Variants in VEGFD observed in about 807,000 individuals in gnomAD.
VEGFD encodes c-fos induced growth factor (vascular endothelial growth factor D).
In VEGFD, 26 loss-of-function variants were observed where a neutral mutation model predicts 28.0. The observed-to-expected ratio is 0.93, with a 90% CI of 0.68 to 1.29. The LOEUF is 1.29. Among genes scored for constraint, VEGFD ranks in the 50% most tolerant of loss-of-function variants. VEGFD has a pLI of 0.00. For missense variants in VEGFD, 294 were observed against 273.4 expected, an observed-to-expected ratio of 1.08 and a Z score of -0.53; for synonymous variants, 93 against 95.5, an observed-to-expected ratio of 0.97 and a Z score of 0.15.
Position 15,367,986 on chromosome X carries a change from AAAAGAAAGAAAG to A in VEGFD, c.91-4679_91-4668del, listed in dbSNP as rs199761765. Among the ~76,000 whole-genome samples, 95 of 66,633 alleles carry A rather than the reference AAAAGAAAGAAAG, an allele frequency of 1.4e-3. No homozygotes were observed. The East Asian group carries it at 0.016, about 11-fold the overall frequency. 57.9% of individuals were successfully genotyped at this position (66,633 alleles called of 115,157 possible). On this transcript the variant is annotated intron_variant, in intron 1 of 6. Transcript: ENST00000297904. Reference sequence around the variant, plus strand: ...AGAAAGAAAGAAAGAAAGAAAAAGAAAAAGAAAGAAAGAAAGAAAGAAAGAAAGAAAGAAAGA... The same window carrying A: ...AGAAAGAAAGAAAGAAAGAAAAAGAAAAAGAAAGAAAGAAAGAAAGAAAGA...
At chrX:15,360,720 CAATT>C (rs1371568674) in intron 2 of VEGFD, among the ~76,000 whole-genome samples, 2 of 112,114 alleles carry the variant, frequency 1.8e-5, no homozygotes, top group African/African-American at 3.2e-5. Flanking sequence ...ATAAATTACT[CAATT>C]AAGTATTATT....
intron 1 of VEGFD, among the ~76,000 whole-genome samples, chrX:15,369,521 A>G (rs1024815967): frequency 8.9e-6 from 1 of 111,769 alleles, no homozygotes; most frequent in African/African-American, 3.3e-5. Flanking sequence ...TGTAATGGAT[A>G]TGGAGCAACA....
chrX:15,354,940 A>T (rs1922825887), intron 4 of VEGFD, among the ~76,000 whole-genome samples: 1 of 111,739 alleles, frequency 8.9e-6, no homozygotes, highest in South Asian at 3.7e-4. Flanking sequence ...CATACCACTG[A>T]GCGTTTTGGT....
intron 1 of VEGFD, among the ~76,000 whole-genome samples, chrX:15,367,986 A>AAGAAAGAAAGAAAGAAAG (rs1236594721): frequency 9.9e-4 from 66 of 66,629 alleles, no homozygotes; most frequent in African/African-American, 3.5e-3. Context: ...AAGAAAAAGA[A>AAGAAAGAAAGAAAGAAAG]AAAGAAAGAA....
intron 3 of VEGFD, among the ~76,000 whole-genome samples, chrX:15,356,999 A>G (rs1268655182): frequency 8.9e-6 from 1 of 112,235 alleles, no homozygotes; most frequent in East Asian, 2.8e-4. Flanking sequence ...AGAATAAACC[A>G]TATAGGCAAA....
At chrX:15,362,020 C>T (rs750083989) in intron 2 of VEGFD, among the ~76,000 whole-genome samples, 2 of 110,833 alleles carry the variant, frequency 1.8e-5, no homozygotes, top group East Asian at 2.9e-4. Flanking sequence ...AGGCATGCAC[C>T]GCCATGCCTG....
At chrX:15,362,598 T>A (rs1923043628) in intron 2 of VEGFD, among the ~76,000 whole-genome samples, 1 of 110,848 alleles carries the variant, frequency 9.0e-6, no homozygotes, top group Admixed American at 9.6e-5. Context: ...TTCTATTTTT[T>A]TGTAGAGATG....
At chrX:15,379,188 G>A (rs1421212256) in intron 1 of VEGFD, among the ~76,000 whole-genome samples, 2 of 111,741 alleles carry the variant, frequency 1.8e-5, no homozygotes, top group East Asian at 5.6e-4. Context: ...CATATTGTCT[G>A]CCTCTACCCA....
In VEGFD at chrX:15,347,204, A is replaced by G. The variant is rs746783235; in HGVS notation, c.898T>C (p.Cys300Arg). The G allele has an allele frequency of 8.3e-7, 1 of 1,211,128 alleles. No homozygotes were observed. The highest frequency in any genetic ancestry group is 1.8e-5 in the South Asian group (1 of 56,800). The change falls in exon 6 of 7, where the codon TGC becomes CGC. Residue 300 changes from cysteine (C) to arginine (R), a missense_variant. Cys to Arg is a radical substitution (Grantham distance 180). Coordinates refer to ENST00000297904, the MANE Select transcript of VEGFD (RefSeq NM_004469.5). ...CFECKESLET[C>R]CQKHKLFHPD... Reference sequence around the variant, plus strand: ...TGAAATAGCTTGTGCTTCTGGCAGCAGGTCTCCAGACTTTCTTTGCACTCA... The same window carrying G: ...TGAAATAGCTTGTGCTTCTGGCAGCGGGTCTCCAGACTTTCTTTGCACTCA...
At chrX:15,349,209 G>A (rs1433951049) in intron 5 of VEGFD, among the ~76,000 whole-genome samples, 1 of 112,095 alleles carries the variant, frequency 8.9e-6, no homozygotes, top group East Asian at 2.8e-4. Flanking sequence ...TTAAAAATTC[G>A]CAATGATCAC....
At chrX:15,375,948 T>C (rs1923428627) in intron 1 of VEGFD, among the ~76,000 whole-genome samples, 1 of 111,197 alleles carries the variant, frequency 9.0e-6, no homozygotes. Context: ...GACATAACTG[T>C]GCTTAGGATA....
intron 1 of VEGFD, among the ~76,000 whole-genome samples, chrX:15,368,039 A>AAAGAAAGAAAGAAAGAAAGGAAAG (rs1555949596): frequency 4.8e-5 from 5 of 103,914 alleles, no homozygotes; most frequent in Non-Finnish European, 9.8e-5. Context: ...AGGAAAGAAG[A>AAAGAAAGAAAGAAAGAAAGGAAAG]AAGAAAGAAA....
intron 5 of VEGFD, among the ~76,000 whole-genome samples, chrX:15,350,207 A>G (rs1433263635): frequency 4.5e-5 from 5 of 110,409 alleles, no homozygotes; most frequent in Non-Finnish European, 9.5e-5. Flanking sequence ...ACATCTAACC[A>G]GCCCCTTCCC....
chrX:15,369,200 C>T (rs114510877), intron 1 of VEGFD, among the ~76,000 whole-genome samples: 1,173 of 111,386 alleles, frequency 0.011, 13 homozygotes, highest in African/African-American at 0.036. Context: ...AAGTGTCCCA[C>T]GTTGTGAGGA....
At chrX:15,357,854 A>G (rs113719128) in intron 3 of VEGFD, 149 bp downstream of exon 3, 33 of 503,126 alleles carry the variant, frequency 6.6e-5, no homozygotes, top group African/African-American at 3.1e-4. Flanking sequence ...ATAAAGGAGC[A>G]TAAAATACCC....
intron 1 of VEGFD, among the ~76,000 whole-genome samples, chrX:15,380,868 G>A (rs1370088012): frequency 8.9e-6 from 1 of 112,606 alleles, no homozygotes; most frequent in African/African-American, 3.2e-5. Flanking sequence ...GAGTTGTGCA[G>A]TGCACATCGT....
At chrX:15,379,915 A>G (rs1923528030) in intron 1 of VEGFD, among the ~76,000 whole-genome samples, 1 of 112,273 alleles carries the variant, frequency 8.9e-6, no homozygotes, top group Admixed American at 9.4e-5. Context: ...AAGTCATACA[A>G]GGAAGTACTA....
At chrX:15,351,399 G>A (rs1361228652) in intron 5 of VEGFD, among the ~76,000 whole-genome samples, 16 of 107,432 alleles carry the variant, frequency 1.5e-4, no homozygotes, top group African/African-American at 5.4e-4. Flanking sequence ...GACTACAGGC[G>A]TGAGCCACCG....
At chrX:15,348,545 T>C (rs780654258) in intron 5 of VEGFD, among the ~76,000 whole-genome samples, 13 of 112,518 alleles carry the variant, frequency 1.2e-4, no homozygotes, top group Non-Finnish European at 2.4e-4. Flanking sequence ...TTTCTTGCTT[T>C]CATATATCCT....
Sources: allele counts gnomAD v4.1 joint callset (sites outside exome capture counted in the v4.1 genomes callset), GRCh38; gene constraint gnomAD v4.1.1; transcripts MANE v1.5; gene names NCBI Gene and HGNC (gene_info 2026-07-23, HGNC 2026-07-21).